TFDP2: variants seen among roughly 807,000 people sequenced by gnomAD.
The protein encoded by TFDP2 is transcription factor Dp-2 (E2F dimerization partner 2).
TFDP2 carries 17 observed loss-of-function variants against 59.3 expected under a neutral mutation model. That is an observed-to-expected ratio of 0.29 (90% CI 0.20 to 0.43). TFDP2 has a LOEUF of 0.43. TFDP2 is among the 20% of genes least tolerant of loss of function. The pLI is 1.00. For synonymous variants in TFDP2, 180 were observed against 194.7 expected, an observed-to-expected ratio of 0.92 and a Z score of 0.63; for missense variants, 391 against 528.8, an observed-to-expected ratio of 0.74 and a Z score of 2.56.
At chr3:142,009,895 C>T (rs114993190) in intron 3 of TFDP2, among the ~76,000 whole-genome samples, 10,565 of 151,830 alleles carry the variant, frequency 0.07, 472 homozygotes, top group Non-Finnish European at 0.11. Context: ...ATTTTTCACA[C>T]TGAACAAAAA....
At chr3:142,109,493 T>A (rs1329235709) in intron 1 of TFDP2, among the ~76,000 whole-genome samples, 1 of 152,144 alleles carries the variant, frequency 6.6e-6, no homozygotes, top group Admixed American at 6.5e-5. Context: ...CACCCCTGGC[T>A]AATTTTGTAT....
At chr3:142,098,765 CCTT>C (rs2061239137) in intron 2 of TFDP2, among the ~76,000 whole-genome samples, 1 of 152,122 alleles carries the variant, frequency 6.6e-6, no homozygotes, top group Non-Finnish European at 1.5e-5. Flanking sequence ...TTCTCTCTCT[CCTT>C]CTGAGACAAG....
chr3:142,049,183 C>T (rs887104030), intron 3 of TFDP2, among the ~76,000 whole-genome samples: 5 of 152,146 alleles, frequency 3.3e-5, no homozygotes, highest in Admixed American at 1.3e-4. Context: ...AAGTAAACTA[C>T]GGCCCAATAT....
At chr3:142,141,364 T>C (rs1417423076) in intron 1 of TFDP2, among the ~76,000 whole-genome samples, 1 of 152,220 alleles carries the variant, frequency 6.6e-6, no homozygotes. Context: ...GCTCACCCTC[T>C]GTGGGCTGCA....
At chr3:142,073,002 T>C (rs1217104787) in intron 3 of TFDP2, among the ~76,000 whole-genome samples, 2 of 152,208 alleles carry the variant, frequency 1.3e-5, no homozygotes, top group East Asian at 1.9e-4. Flanking sequence ...CTAACTTTAC[T>C]GTGGAGAAAC....
At chr3:142,071,011 C>A (rs1372590823) in intron 3 of TFDP2, among the ~76,000 whole-genome samples, 1 of 152,030 alleles carries the variant, frequency 6.6e-6, no homozygotes, top group Non-Finnish European at 1.5e-5. Context: ...GTCAAGGAAG[C>A]ATAAAATTCC....
At chr3:141,995,245 G>C in intron 4 of TFDP2, 104 bp from the exon 5 acceptor site, 6 of 875,158 alleles carry the variant, frequency 6.9e-6, no homozygotes, top group Non-Finnish European at 9.4e-6. Context: ...AAACCTTGCT[G>C]CCTAAAAGGC....
intron 3 of TFDP2, among the ~76,000 whole-genome samples, chr3:142,023,354 T>C (rs1249164919): frequency 1.3e-5 from 2 of 151,046 alleles, no homozygotes; most frequent in Non-Finnish European, 3.0e-5. Flanking sequence ...CTGGCTTTTT[T>C]TTTTTCTTGT....
At chr3:141,969,041 G>GAGAT (rs1939054994) in intron 9 of TFDP2, among the ~76,000 whole-genome samples, 5 of 72,236 alleles carry the variant, frequency 6.9e-5, no homozygotes, top group African/African-American at 2.2e-4. Flanking sequence ...CTCATATATA[G>GAGAT]ATATATATAT....
At chr3:142,141,173 G>C (rs2108751658) in intron 1 of TFDP2, among the ~76,000 whole-genome samples, 1 of 152,360 alleles carries the variant, frequency 6.6e-6, no homozygotes, top group East Asian at 1.9e-4. Flanking sequence ...GGCCCGCCAA[G>C]CCAGGCACGG....
At chr3:142,026,203 A>C (rs772687727) in intron 3 of TFDP2, among the ~76,000 whole-genome samples, 2 of 151,654 alleles carry the variant, frequency 1.3e-5, no homozygotes, top group Non-Finnish European at 2.9e-5. Context: ...AAAATACAAA[A>C]AATTAGCTGA....
At chr3:142,051,716 A>C (rs1947638871) in intron 3 of TFDP2, among the ~76,000 whole-genome samples, 1 of 152,240 alleles carries the variant, frequency 6.6e-6, no homozygotes, top group South Asian at 2.1e-4. Flanking sequence ...AAAGGTACAA[A>C]GCAATTCTAT....
intron 7 of TFDP2, among the ~76,000 whole-genome samples, chr3:141,976,961 G>A (rs1280472861): frequency 2.0e-5 from 3 of 150,958 alleles, no homozygotes; most frequent in Non-Finnish European, 4.4e-5. Flanking sequence ...GGAACTATAA[G>A]AACTCTTTCT....
intron 3 of TFDP2, among the ~76,000 whole-genome samples, chr3:142,042,201 C>G (rs1376824315): frequency 6.6e-6 from 1 of 152,062 alleles, no homozygotes; most frequent in Non-Finnish European, 1.5e-5. Context: ...ATTTGTCACT[C>G]TATTATGTTC....
chr3:142,111,477 C>T (rs1371478620), intron 1 of TFDP2, among the ~76,000 whole-genome samples: 1 of 146,518 alleles, frequency 6.8e-6, no homozygotes, highest in Non-Finnish European at 1.5e-5. Flanking sequence ...AAATAGAGGA[C>T]TTGAACTCTG....
chr3:141,991,197 G>T (rs1457748147), intron 6 of TFDP2, among the ~76,000 whole-genome samples: 1 of 152,102 alleles, frequency 6.6e-6, no homozygotes, highest in Non-Finnish European at 1.5e-5. Context: ...TTCCAGGCAC[G>T]TAACTAGAAT....
At chr3:141,991,015 A>G (rs1027230367) in intron 6 of TFDP2, among the ~76,000 whole-genome samples, 1 of 152,136 alleles carries the variant, frequency 6.6e-6, no homozygotes, top group African/African-American at 2.4e-5. Flanking sequence ...CCGAGATCAC[A>G]CCACTGCACT....
rs1935632137 is a variant in TFDP2 at position 141,949,181 on chromosome 3, T to C, written c.*3332A>G. The C allele has an allele frequency of 6.6e-6, 1 of 152,170 alleles. No individual in the cohort carries two copies. The highest frequency in any genetic ancestry group is 2.1e-4 in the South Asian group (1 of 4,832). 9.4% of individuals were successfully genotyped at this position (152,170 alleles called of 1,614,324 possible). ...TTATTTTTCAAATATGGCAGAGTACTGTTAACAACTGTAAAATTTGCTAAT... is the reference window on the plus strand; with the variant it reads ...TTATTTTTCAAATATGGCAGAGTACCGTTAACAACTGTAAAATTTGCTAAT... On this transcript the variant is annotated 3_prime_UTR_variant, in exon 13 of 13. Coordinates refer to ENST00000489671, the MANE Select transcript of TFDP2 (RefSeq NM_001178139.2).
At chr3:142,049,542 C>G (rs1386271734) in intron 3 of TFDP2, among the ~76,000 whole-genome samples, 3 of 152,150 alleles carry the variant, frequency 2.0e-5, no homozygotes, top group Admixed American at 6.5e-5. Flanking sequence ...GAATGCTTTT[C>G]CCCTAAAATC....
Sources: allele counts gnomAD v4.1 joint callset (sites outside exome capture counted in the v4.1 genomes callset), GRCh38; gene constraint gnomAD v4.1.1; transcripts MANE v1.5; gene names NCBI Gene and HGNC (gene_info 2026-07-23, HGNC 2026-07-21).